DTL: variants seen among roughly 807,000 people sequenced by gnomAD.
DTL encodes denticleless E3 ubiquitin protein ligase adapter.
DTL carries 46 observed loss-of-function variants against 87.0 expected under a neutral mutation model. The observed-to-expected ratio is 0.53, with a 90% CI of 0.42 to 0.68. The LOEUF (loss-of-function observed/expected upper bound fraction) is 0.68, where lower values mean the gene tolerates loss of function less well. DTL is among the 30% of genes least tolerant of loss of function. The pLI, the probability that DTL is intolerant of heterozygous loss-of-function variation, is 0.00. For synonymous variants in DTL, 308 were observed against 311.2 expected (o/e 0.99, Z 0.11); for missense variants, 737 against 869.4 (o/e 0.85, Z 1.91).
chr1:212,042,311 G>T (rs1437208824), intron 1 of DTL, among the ~76,000 whole-genome samples: 1 of 152,090 alleles, frequency 6.6e-6, no homozygotes, highest in African/African-American at 2.4e-5. Flanking sequence ...CTTGTTCTCT[G>T]TTCTAAATTC....
chr1:212,043,721 T>C (rs1667724827), intron 2 of DTL, among the ~76,000 whole-genome samples: 1 of 151,806 alleles, frequency 6.6e-6, no homozygotes, highest in Non-Finnish European at 1.5e-5. Context: ...TCCCAGCTAC[T>C]TGGGATGCTG....
chr1:212,048,902 TTTTGTTTG>T lies in DTL; in HGVS notation c.460+1513_460+1520del, dbSNP rs142929243. ...GAGGTTAAGCTGGTTTGGACTGGTT[TTTTGTTTG>T]TTTGTTTGTTTGTTTGTTTGTTTGT... On this transcript the variant is annotated intron_variant, in intron 5 of 14. Coordinates refer to ENST00000366991, the MANE Select transcript of DTL (RefSeq NM_016448.4). Among the ~76,000 whole-genome samples, 385 of 150,532 alleles carry T rather than the reference TTTTGTTTG, an allele frequency of 2.6e-3. 1 individual carries two copies. Among genetic ancestry groups the T allele is most frequent in the African/African-American group, 3.4e-3 (141 of 40,896 alleles).
chr1:212,046,357 C>T (rs564412452), intron 3 of DTL, among the ~76,000 whole-genome samples: 1 of 152,000 alleles, frequency 6.6e-6, no homozygotes, highest in East Asian at 1.9e-4. Flanking sequence ...AAACATGTGC[C>T]GTGGTGGTTT....
intron 13 of DTL, among the ~76,000 whole-genome samples, chr1:212,088,513 C>T (rs1254788353): frequency 6.6e-6 from 1 of 152,210 alleles, no homozygotes; most frequent in East Asian, 1.9e-4. Flanking sequence ...CTCTGAGAAC[C>T]TACTTCCCCT....
At chr1:212,048,705 A>G (rs913420856) in intron 5 of DTL, among the ~76,000 whole-genome samples, 3 of 151,572 alleles carry the variant, frequency 2.0e-5, no homozygotes, top group Non-Finnish European at 4.4e-5. Context: ...TCACTAAATA[A>G]TTTTTTTTAA....
chr1:212,086,552 G>A (rs1173221751), intron 13 of DTL, among the ~76,000 whole-genome samples: 1 of 151,932 alleles, frequency 6.6e-6, no homozygotes, highest in African/African-American at 2.4e-5. Flanking sequence ...ACCACGCCTG[G>A]ATAATTTTTG....
chr1:212,060,559 AACC>A (rs1165248685), intron 5 of DTL, among the ~76,000 whole-genome samples: 3 of 152,118 alleles, frequency 2.0e-5, no homozygotes, highest in African/African-American at 7.2e-5. Context: ...AACATGGCAA[AACC>A]CCACCTCTAC....
rs146056410 is a variant in DTL, at chr1:212,093,785, G to A, written c.1262-6467G>A. The stretch of plus-strand genomic sequence containing the variant: ...GTTTTTATAGGCACAGGATGGGGGC[G>A]TGGCAGGCCAAGGTGGTCTTGGGAA... On this transcript the variant is annotated intron_variant, in intron 13 of 14. Transcript: ENST00000366991. 5.6e-4 allele frequency among the ~76,000 whole-genome samples: 86 copies of A among 152,302 alleles called. 1 individual carries two copies. In the East Asian group the frequency reaches 0.013, roughly 23 times the overall value.
chr1:212,094,502 A>T (rs1282517603), intron 13 of DTL, among the ~76,000 whole-genome samples: 7 of 152,178 alleles, frequency 4.6e-5, no homozygotes, highest in Admixed American at 2.6e-4. Flanking sequence ...GAGTGACTAT[A>T]GCCTTGTAGT....
intron 5 of DTL, among the ~76,000 whole-genome samples, chr1:212,058,145 A>T (rs943807373): frequency 6.6e-6 from 1 of 152,152 alleles, no homozygotes; most frequent in Admixed American, 6.5e-5. Context: ...CACCCCACTC[A>T]GCGTTAGACA....
At chr1:212,075,956 G>A (rs1158273180) in intron 11 of DTL, among the ~76,000 whole-genome samples, 5 of 152,036 alleles carry the variant, frequency 3.3e-5, no homozygotes, top group Non-Finnish European at 7.4e-5. Context: ...CATATAAATG[G>A]AATCATACAA....
chr1:212,090,201 G>T (rs1044205180), intron 13 of DTL, among the ~76,000 whole-genome samples: 1 of 152,118 alleles, frequency 6.6e-6, no homozygotes, highest in Admixed American at 6.5e-5. Flanking sequence ...ATTTTGGCTG[G>T]TTCTAAACAT....
rs780484610 is a variant in DTL, at chr1:212,080,693, A to G, written c.1204A>G (p.Lys402Glu). ...RGLEEKPGGD[K>E]LSTVGWASQK... ...CTTAGAGGAGAAACCAGGAGGTGAT[A>G]AACTTTCCACGGTGGGTTGGGCCTC... The change falls in exon 13 of 15, where the codon AAA becomes GAA. Residue 402 changes from lysine to glutamate, a missense_variant. Physicochemically the swap from Lys to Glu is moderately conservative, Grantham distance 56. Coordinates refer to ENST00000366991, the MANE Select transcript of DTL (RefSeq NM_016448.4). 9 of 1,613,644 alleles carry G rather than the reference A, an allele frequency of 5.6e-6. No homozygotes were observed. Among genetic ancestry groups the G allele is most frequent in the Middle Eastern group, 3.3e-4 (2 of 6,082 alleles).
chr1:212,083,623 G>T (rs950498411), intron 13 of DTL, among the ~76,000 whole-genome samples: 1 of 152,178 alleles, frequency 6.6e-6, no homozygotes, highest in Admixed American at 6.5e-5. Context: ...CAAGATTATA[G>T]AAGAAGGAGG....
At chr1:212,088,260 A>G (rs1294269698) in intron 13 of DTL, among the ~76,000 whole-genome samples, 2 of 152,232 alleles carry the variant, frequency 1.3e-5, no homozygotes, top group Non-Finnish European at 2.9e-5. Flanking sequence ...TGCTTGCTGC[A>G]GTCTCACAAG....
intron 1 of DTL, among the ~76,000 whole-genome samples, chr1:212,037,396 C>G (rs1346077917): frequency 6.6e-6 from 1 of 152,184 alleles, no homozygotes; most frequent in African/African-American, 2.4e-5. Context: ...TCTACCTACT[C>G]CTTTGGATGA....
chr1:212,052,922 A>G lies in DTL; in HGVS notation c.460+5505A>G, dbSNP rs920480994. Among the ~76,000 whole-genome samples the G allele has an allele frequency of 9.9e-5, 15 of 152,120 alleles. No homozygotes were observed. In the East Asian group the frequency reaches 1.2e-3, roughly 12 times the overall value. ...ACTAAGTCGTGCAGCTATCACCACAATCTAAATTTAGAATCTTTTCATCAG... is the reference window on the plus strand; with the variant it reads ...ACTAAGTCGTGCAGCTATCACCACAGTCTAAATTTAGAATCTTTTCATCAG... On this transcript the variant is annotated intron_variant, in intron 5 of 14. Transcript: ENST00000366991.
intron 11 of DTL, among the ~76,000 whole-genome samples, chr1:212,074,641 CT>C (rs1654775482): frequency 6.6e-6 from 1 of 152,098 alleles, no homozygotes. Flanking sequence ...CTCAGTTTCT[CT>C]TTTCCATGAT....
chr1:212,052,643 C>A (rs1396073982), intron 5 of DTL, among the ~76,000 whole-genome samples: 380 of 115,404 alleles, frequency 3.3e-3, no homozygotes, highest in Admixed American at 4.0e-3. Context: ...GACTCTGCCT[C>A]AAAAAAAAAA....
Sources: gnomAD v4.1 joint callset for allele counts (sites outside exome capture counted in the v4.1 genomes callset) on GRCh38, gnomAD v4.1.1 for gene constraint, MANE v1.5 for transcripts, NCBI Gene and HGNC (gene_info 2026-07-23, HGNC 2026-07-21) for gene names.